The following ITSN1 variants were observed in gnomAD, a reference collection of about 807,000 sequenced individuals.
ITSN1 encodes intersectin 1, also known as intersectin-1.
A neutral mutation model predicts 239.8 loss-of-function variants in ITSN1; 58 were observed. The ratio of observed to expected loss-of-function variants is 0.24; its 90% CI spans 0.20 to 0.30. The LOEUF (loss-of-function observed/expected upper bound fraction) is 0.30, where lower values mean the gene tolerates loss of function less well. Among genes scored for constraint, ITSN1 ranks in the 10% least tolerant of loss-of-function variants. ITSN1 has a pLI of 1.00. For missense variants in ITSN1, 1,558 were observed against 2,103.3 expected (o/e 0.74, Z 5.07); for synonymous variants, 780 against 770.8 (o/e 1.01, Z -0.20).
At chr21:33,802,505 C>G in intron 20 of ITSN1, 61 bp downstream of exon 20, 1 of 1,542,602 alleles carries the variant, frequency 6.5e-7, no homozygotes, top group Non-Finnish European at 9.0e-7. Context: ...CCTTTTAAGT[C>G]ACTTGAATTC....
rs759471287 is a variant in ITSN1, at chr21:33,875,444, G to A, written c.4264G>A (p.Glu1422Lys). ...GGAAGAGCTCTGTTCCCAGGTGAAC[G>A]AAGGGGTGCGGGAGAAGGAGAACTC... The part of the protein sequence containing the change: ...KAEELCSQVN[E>K]GVREKENSDR... The change falls in exon 34 of 40, where the codon GAA (glutamate) becomes AAA (lysine). Residue 1422 changes from glutamate to lysine, a missense_variant. Physicochemically the swap from Glu to Lys is moderately conservative, Grantham distance 56. Around this residue, in one of 2 missense-constraint regions of ITSN1, gnomAD observed 576 missense variants for 893.3 expected, o/e 0.64. Coordinates refer to ENST00000381318, the MANE Select transcript of ITSN1 (RefSeq NM_003024.3). 1 of 1,614,170 alleles carries A rather than the reference G, an allele frequency of 6.2e-7. No individual in the cohort carries two copies.
chr21:33,886,244 T>C, intron 38 of ITSN1, 43 bp from the exon 39 acceptor site: 1 of 1,460,234 alleles, frequency 6.8e-7, no homozygotes, highest in East Asian at 2.3e-5. Flanking sequence ...GAGATCAAAA[T>C]GAGGTGTGAG....
intron 17 of ITSN1, among the ~76,000 whole-genome samples, chr21:33,796,155 G>A (rs560606356): frequency 6.6e-6 from 1 of 151,830 alleles, no homozygotes; most frequent in South Asian, 2.1e-4. Flanking sequence ...GTAGAGATGG[G>A]GTTTCACCAT....
Position 33,834,419 on chromosome 21 carries a change from C to G in ITSN1, c.3464C>G (p.Ala1155Gly), listed in dbSNP as rs200818653. ...GAGCCACCTAAGTCAACAGCATTAG[C>G]GGCAGGTAAGGAGTTTCGCATCTCT... ...PTEPPKSTAL[A>G]AVCQVIGMYD... The change falls in exon 28 of 40, where the codon GCG becomes GGG. Residue 1155 changes from alanine (A) to glycine (G), a missense_variant. Around this residue, in one of 2 missense-constraint regions of ITSN1, gnomAD observed 576 missense variants for 893.3 expected, o/e 0.64. Coordinates refer to ENST00000381318, the MANE Select transcript of ITSN1 (RefSeq NM_003024.3). 45 of 1,607,220 alleles carry G rather than the reference C, an allele frequency of 2.8e-5. No individual in the cohort carries two copies. The highest frequency in any genetic ancestry group is 3.7e-5 in the Non-Finnish European group (43 of 1,175,060).
chr21:33,733,520 A>G (rs1416130217), intron 4 of ITSN1, among the ~76,000 whole-genome samples: 4 of 152,240 alleles, frequency 2.6e-5, no homozygotes, highest in Non-Finnish European at 2.9e-5. Context: ...TGCCGTACAT[A>G]TACATAAATC....
intron 16 of ITSN1, among the ~76,000 whole-genome samples, chr21:33,783,134 T>G (rs989304742): frequency 1.3e-5 from 2 of 152,254 alleles, no homozygotes; most frequent in Non-Finnish European, 2.9e-5. Flanking sequence ...TTTGTTATTC[T>G]TATAAGAAAT....
chr21:33,731,862 C>T (rs1034766860), intron 4 of ITSN1, among the ~76,000 whole-genome samples: 1 of 152,078 alleles, frequency 6.6e-6, no homozygotes, highest in African/African-American at 2.4e-5. Flanking sequence ...TATTCCAAGC[C>T]GAATATGAGT....
intron 25 of ITSN1, 152 bp downstream of exon 25, chr21:33,823,805 C>G (rs1415263933): frequency 1.4e-6 from 1 of 740,314 alleles, no homozygotes; most frequent in Non-Finnish European, 2.2e-6. Context: ...TTGATCTTGT[C>G]ATTTGGCACT....
intron 1 of ITSN1, among the ~76,000 whole-genome samples, chr21:33,713,029 C>G (rs1432899871): frequency 6.6e-6 from 1 of 151,930 alleles, no homozygotes; most frequent in African/African-American, 2.4e-5. Context: ...GAGTGCCCAC[C>G]ACCACGCCCA....
intron 28 of ITSN1, 96 bp downstream of exon 28, chr21:33,834,520 C>T: frequency 2.3e-6 from 2 of 888,168 alleles, no homozygotes; most frequent in South Asian, 2.9e-5. Context: ...TTGTTTTTCA[C>T]ATGTGCTTTA....
intron 30 of ITSN1, among the ~76,000 whole-genome samples, chr21:33,858,075 G>A (rs916352979): frequency 6.6e-6 from 1 of 152,180 alleles, no homozygotes; most frequent in African/African-American, 2.4e-5. Flanking sequence ...CAACCACACA[G>A]AGCTTGGAGG....
intron 2 of ITSN1, among the ~76,000 whole-genome samples, chr21:33,719,390 G>A (rs778475688): frequency 2.6e-5 from 4 of 152,136 alleles, no homozygotes; most frequent in Admixed American, 6.5e-5. Flanking sequence ...GCAGTGAGCC[G>A]AGGTCGCACC....
intron 31 of ITSN1, 53 bp downstream of exon 31, chr21:33,858,845 A>T: frequency 1.0e-6 from 1 of 1,001,496 alleles, no homozygotes. Flanking sequence ...GCTCTCATGC[A>T]CTCGCACCTC....
intron 35 of ITSN1, 97 bp from the exon 36 acceptor site, chr21:33,883,453 T>C: frequency 6.6e-7 from 1 of 1,526,378 alleles, no homozygotes; most frequent in Non-Finnish European, 9.0e-7. Context: ...TCTCGTTTAC[T>C]AGAACACATT....
intron 16 of ITSN1, among the ~76,000 whole-genome samples, chr21:33,790,328 GTTTTA>G (rs200366682): frequency 0.073 from 9,040 of 124,576 alleles, 307 homozygotes; most frequent in African/African-American, 0.086. Context: ...ACATTTTATA[GTTTTA>G]TTTTTTCTGC....
In ITSN1 at chr21:33,875,475, G is replaced by T. The variant is rs761560907; in HGVS notation, c.4295G>T (p.Arg1432Leu). The T allele has an allele frequency of 6.2e-7, 1 of 1,614,174 alleles. No individual in the cohort carries two copies. The highest frequency in any genetic ancestry group is 8.5e-7 in the Non-Finnish European group (1 of 1,180,026). The change falls in exon 34 of 40, where the codon CGG becomes CTG. Residue 1432 changes from arginine (R) to leucine (L), a missense_variant. Around this residue, in one of 2 missense-constraint regions of ITSN1, gnomAD observed 576 missense variants for 893.3 expected, o/e 0.64. Coordinates refer to ENST00000381318, the MANE Select transcript of ITSN1 (RefSeq NM_003024.3). ...EGVREKENSD[R>L]LEWIQAHVQC... ...GTGCGGGAGAAGGAGAACTCTGACC[G>T]GCTGGAGTGGATCCAGGCCCACGTG...
At chr21:33,767,006 A>G (rs1440644810) in intron 10 of ITSN1, among the ~76,000 whole-genome samples, 1 of 150,674 alleles carries the variant, frequency 6.6e-6, no homozygotes, top group Non-Finnish European at 1.5e-5. Flanking sequence ...CGTCTCTACT[A>G]AAAATACAAA....
intron 1 of ITSN1, among the ~76,000 whole-genome samples, chr21:33,681,565 T>C (rs2090955267): frequency 6.6e-6 from 1 of 151,692 alleles, no homozygotes; most frequent in South Asian, 2.1e-4. Context: ...CAAAAGAAAG[T>C]AAACAGATTA....
intron 10 of ITSN1, among the ~76,000 whole-genome samples, chr21:33,766,548 A>C (rs1289225689): frequency 6.6e-6 from 1 of 152,232 alleles, no homozygotes; most frequent in Non-Finnish European, 1.5e-5. Context: ...TGTCCAGGAC[A>C]GCTCTGTCTC....
Sources: allele counts gnomAD v4.1 joint callset (sites outside exome capture counted in the v4.1 genomes callset), GRCh38; gene constraint gnomAD v4.1.1; regional missense constraint gnomAD v4.1.1; transcripts MANE v1.5; gene names NCBI Gene and HGNC (gene_info 2026-07-23, HGNC 2026-07-21).